DHRS3: variants seen among roughly 807,000 people sequenced by gnomAD.
The protein encoded by DHRS3 is dehydrogenase/reductase 3.
A neutral mutation model predicts 27.2 loss-of-function variants in DHRS3; 14 were observed. The ratio of observed to expected loss-of-function variants is 0.52; its 90% CI spans 0.34 to 0.81. The LOEUF (loss-of-function observed/expected upper bound fraction) is 0.81. Ranked by LOEUF, DHRS3 falls within the 30% of genes least tolerant of loss-of-function variation. The probability of loss-of-function intolerance (pLI) is 0.01; values close to 1 mark genes in which losing one functional copy is unlikely to be tolerated. For missense variants in DHRS3, 322 were observed against 406.2 expected, an observed-to-expected ratio of 0.79 and a Z score of 1.78; for synonymous variants, 165 against 175.9, an observed-to-expected ratio of 0.94 and a Z score of 0.49.
At chr1:12,603,032 ATTTGGG>A (rs1646845829) in intron 1 of DHRS3, among the ~76,000 whole-genome samples, 1 of 152,228 alleles carries the variant, frequency 6.6e-6, no homozygotes, top group Admixed American at 6.5e-5. Context: ...TGGCAGATGG[ATTTGGG>A]CTGAGTCCCC....
At chr1:12,602,446 G>T (rs1345177625) in intron 1 of DHRS3, among the ~76,000 whole-genome samples, 1 of 152,134 alleles carries the variant, frequency 6.6e-6, no homozygotes, top group East Asian at 1.9e-4. Flanking sequence ...CCCCCTGAGG[G>T]CTTCTGTGGC....
intron 1 of DHRS3, among the ~76,000 whole-genome samples, chr1:12,598,036 C>T (rs1174079048): frequency 9.9e-5 from 15 of 152,206 alleles, no homozygotes; most frequent in Admixed American, 9.2e-4. Context: ...ACAGCTCCGG[C>T]AGAGCCACTC....
intron 1 of DHRS3, among the ~76,000 whole-genome samples, chr1:12,599,158 C>T (rs944170462): frequency 6.6e-6 from 1 of 152,252 alleles, no homozygotes; most frequent in Non-Finnish European, 1.5e-5. Flanking sequence ...TCTGCTAGGA[C>T]GAAGGTCAAC....
chr1:12,571,800 C>T (rs542391515), intron 5 of DHRS3, among the ~76,000 whole-genome samples: 2 of 152,282 alleles, frequency 1.3e-5, no homozygotes, highest in East Asian at 1.9e-4. Context: ...TCCCAAAGTG[C>T]TGGGATTACA....
At chr1:12,571,586 G>A (rs1206573005) in intron 5 of DHRS3, among the ~76,000 whole-genome samples, 2 of 149,258 alleles carry the variant, frequency 1.3e-5, no homozygotes, top group African/African-American at 5.0e-5. Flanking sequence ...GCTGGAGTGC[G>A]GTGGTGCGAT....
rs926095853 is a variant in DHRS3 at position 12,591,390 on chromosome 1, C to T, written c.196-10724G>A. Among the ~76,000 whole-genome samples the T allele has an allele frequency of 5.9e-5, 9 of 152,194 alleles. No homozygotes were observed. The highest frequency in any genetic ancestry group is 4.1e-4 in the South Asian group (2 of 4,832). On this transcript the variant is annotated intron_variant, in intron 1 of 5. Coordinates refer to ENST00000616661, the MANE Select transcript of DHRS3 (RefSeq NM_004753.7). This position sits in a 1 kb window ranked among gnomAD's most constrained non-coding sequence, Gnocchi z 4.1. ...GCTCCAGGCCCCTGTTTTGGCCTGC[C>T]GAGAATGTTTTGGCTACCGCTGGCT...
chr1:12,577,777 C>T (rs930938262), intron 4 of DHRS3, among the ~76,000 whole-genome samples: 9 of 152,172 alleles, frequency 5.9e-5, no homozygotes, highest in South Asian at 4.1e-4. Context: ...GAGCCGAGAT[C>T]GCGCCACTGC....
At chr1:12,582,722 C>T (rs1646654508) in intron 1 of DHRS3, among the ~76,000 whole-genome samples, 1 of 152,062 alleles carries the variant, frequency 6.6e-6, no homozygotes, top group African/African-American at 2.4e-5. Flanking sequence ...CCTCCCTTAT[C>T]ATCCTGTGTA....
chr1:12,580,806 C>A, intron 1 of DHRS3, 140 bp from the exon 2 acceptor site: 1 of 997,878 alleles, frequency 1.0e-6, no homozygotes, highest in South Asian at 1.7e-5. Flanking sequence ...ATAAAGAATA[C>A]AACATAGATT....
intron 1 of DHRS3, among the ~76,000 whole-genome samples, chr1:12,590,435 C>T (rs544579726): frequency 1.1e-4 from 16 of 152,236 alleles, no homozygotes; most frequent in East Asian, 9.7e-4. Flanking sequence ...CTCAGCCTCC[C>T]GAGTAGCTGG....
intron 1 of DHRS3, 121 bp downstream of exon 1, chr1:12,617,033 C>A: frequency 1.7e-6 from 2 of 1,195,236 alleles, no homozygotes; most frequent in Non-Finnish European, 2.3e-6. Context: ...TCGTGGGTGG[C>A]GCGGAGAAGT....
rs1383528163 is a variant in DHRS3, at chr1:12,580,507, CTCCCAGGCTACAGACCT to C, written c.338_339+15del. 6.2e-7 allele frequency: 1 copy of C among 1,614,036 alleles called. No individual in the cohort carries two copies. Among genetic ancestry groups the C allele is most frequent in the African/African-American group, 1.3e-5 (1 of 74,950 alleles). On this transcript the variant is annotated splice_donor_variant and splice_donor_5th_base_variant and coding_sequence_variant and intron_variant, in exon 2 of 6. Transcript: ENST00000616661. LOFTEE classifies it high-confidence loss of function. ...TGGTCAGCTGTGCTAGGAATAGACC[CTCCCAGGCTACAGACCT>C]TCTCCCGGACGGCCTTGGCCGTCTG...
In DHRS3 at chr1:12,592,378, C is replaced by A. The variant is rs375347728; in HGVS notation, c.196-11712G>T. 6.6e-6 allele frequency among the ~76,000 whole-genome samples: 1 copy of A among 151,980 alleles called. No individual in the cohort carries two copies. The highest frequency in any genetic ancestry group is 1.5e-5 in the Non-Finnish European group (1 of 68,018). On this transcript the variant is annotated intron_variant, in intron 1 of 5. Transcript: ENST00000616661. The surrounding 1 kb of genome is among the most constrained non-coding windows in gnomAD (Gnocchi z 4.2). ...TTGGGGATCTCAAAGTGAGATCACC[C>A]TGGGTTAGGGTGGGCTCTGAGTCTA...
chr1:12,603,554 C>T lies in DHRS3; in HGVS notation c.195+13600G>A, dbSNP rs72642702. Among the ~76,000 whole-genome samples, 1,152 of 152,234 alleles carry T rather than the reference C, an allele frequency of 7.6e-3. 7 individuals carry two copies. The highest frequency in any genetic ancestry group is 0.012 in the Non-Finnish European group (841 of 68,006). Reference sequence around the variant, plus strand: ...TTGGGGCCTCTAGGGTGCTCCGGAACCCAGTTTGAAAACCTGGACCTTGAA... The same window carrying T: ...TTGGGGCCTCTAGGGTGCTCCGGAATCCAGTTTGAAAACCTGGACCTTGAA... On this transcript the variant is annotated intron_variant, in intron 1 of 5. Coordinates refer to ENST00000616661, the MANE Select transcript of DHRS3 (RefSeq NM_004753.7).
intron 1 of DHRS3, among the ~76,000 whole-genome samples, chr1:12,588,542 C>T (rs906979098): frequency 6.6e-6 from 1 of 152,178 alleles, no homozygotes; most frequent in African/African-American, 2.4e-5. Context: ...CTGGTGAACA[C>T]CCCTGCCTCT....
chr1:12,615,036 G>A lies in DHRS3; in HGVS notation c.195+2118C>T, dbSNP rs994732927. On this transcript the variant is annotated intron_variant, in intron 1 of 5. Coordinates refer to ENST00000616661, the MANE Select transcript of DHRS3 (RefSeq NM_004753.7). Reference sequence around the variant, plus strand: ...TGACCCTTTGTTCCCAACCCCACTAGGCCTCAAAACACTCCTGGCTCTGGG... The same window carrying A: ...TGACCCTTTGTTCCCAACCCCACTAAGCCTCAAAACACTCCTGGCTCTGGG... 2.6e-5 allele frequency among the ~76,000 whole-genome samples: 4 copies of A among 152,112 alleles called. No individual in the cohort carries two copies. In the East Asian group the frequency reaches 5.8e-4, roughly 22 times the overall value.
At chr1:12,584,078 T>G (rs1205217318) in intron 1 of DHRS3, among the ~76,000 whole-genome samples, 9 of 152,128 alleles carry the variant, frequency 5.9e-5, no homozygotes, top group Non-Finnish European at 1.3e-4. Context: ...CTGGCTCCTA[T>G]GTGTAACAGG....
At chr1:12,571,500 G>A (rs896831259) in intron 5 of DHRS3, among the ~76,000 whole-genome samples, 6 of 151,544 alleles carry the variant, frequency 4.0e-5, no homozygotes, top group Admixed American at 3.9e-4. Context: ...GGGTACCCGG[G>A]ATCTCTTCAG....
chr1:12,609,274 C>T (rs1010840051), intron 1 of DHRS3, among the ~76,000 whole-genome samples: 3 of 152,142 alleles, frequency 2.0e-5, no homozygotes, highest in African/African-American at 7.2e-5. Flanking sequence ...AATCAATGAA[C>T]AGAGCCAACA....
Sources: gnomAD v4.1 joint callset for allele counts (sites outside exome capture counted in the v4.1 genomes callset) on GRCh38, gnomAD v4.1.1 for gene constraint, Gnocchi (gnomAD v3.1) non-coding constraint, MANE v1.5 for transcripts, NCBI Gene and HGNC (gene_info 2026-07-23, HGNC 2026-07-21) for gene names.